Variants in PLXNA4 observed in about 807,000 individuals in gnomAD.
PLXNA4 encodes plexin A4.
A neutral mutation model predicts 191.8 loss-of-function variants in PLXNA4; 44 were observed. That is an observed-to-expected ratio of 0.23 (90% CI 0.18 to 0.29). The LOEUF (loss-of-function observed/expected upper bound fraction) is 0.29. Among genes scored for constraint, PLXNA4 ranks in the 10% least tolerant of loss-of-function variants. PLXNA4 has a pLI of 1.00. For synonymous variants in PLXNA4, 1,082 were observed against 1,009.5 expected (o/e 1.07, Z -1.36); for missense variants, 1,800 against 2,488.8 (o/e 0.72, Z 5.89).
intron 2 of PLXNA4, among the ~76,000 whole-genome samples, chr7:132,635,035 G>A (rs1803569356): frequency 6.6e-6 from 1 of 152,040 alleles, no homozygotes; most frequent in Admixed American, 6.6e-5. Context: ...TGTGCTGGAT[G>A]CTTCCTGGCT....
chr7:132,308,460 T>C (rs969101201), intron 3 of PLXNA4, among the ~76,000 whole-genome samples: 5 of 152,172 alleles, frequency 3.3e-5, no homozygotes, highest in Non-Finnish European at 7.3e-5. Context: ...CCACCTGCCA[T>C]GCGCCACACA....
At position 132,228,328 on chromosome 7, in the gene PLXNA4, A is replaced by G. The variant is rs770434815; in HGVS notation, c.1728+18T>C. 2.5e-6 allele frequency: 4 copies of G among 1,613,574 alleles called. No individual in the cohort carries two copies. Among genetic ancestry groups the G allele is most frequent in the African/African-American group, 2.7e-5 (2 of 74,830 alleles). On this transcript the variant is annotated intron_variant, in intron 6 of 31. Transcript: ENST00000321063. ...TCCTTGCATCCCTGGACCCCACCCCAACCCCCACGACCCTTACCAGCACGT... is the reference window on the plus strand; with the variant it reads ...TCCTTGCATCCCTGGACCCCACCCCGACCCCCACGACCCTTACCAGCACGT...
intron 2 of PLXNA4, among the ~76,000 whole-genome samples, chr7:132,589,464 A>G (rs1282038685): frequency 6.6e-6 from 1 of 152,244 alleles, no homozygotes; most frequent in Non-Finnish European, 1.5e-5. Flanking sequence ...ATGATAGCAT[A>G]TTATTTAACT....
chr7:132,399,963 G>A lies in PLXNA4; in HGVS notation c.1371+89329C>T, dbSNP rs549104885. Reference sequence around the variant, plus strand: ...ATACTTTCATGGGCATGAAAGGGGAGGAATGTGACCTTTGTGATCAGATGG... The same window carrying A: ...ATACTTTCATGGGCATGAAAGGGGAAGAATGTGACCTTTGTGATCAGATGG... On this transcript the variant is annotated intron_variant, in intron 3 of 31. Coordinates refer to ENST00000321063, the MANE Select transcript of PLXNA4 (RefSeq NM_020911.2). Among the ~76,000 whole-genome samples, 5 of 152,144 alleles carry A rather than the reference G, an allele frequency of 3.3e-5. No homozygotes were observed. In the South Asian group the frequency reaches 1.0e-3, roughly 32 times the overall value.
intron 3 of PLXNA4, among the ~76,000 whole-genome samples, chr7:132,409,911 G>A (rs980648752): frequency 3.9e-5 from 6 of 152,204 alleles, no homozygotes; most frequent in Admixed American, 1.3e-4. Flanking sequence ...TGCCTGGCCC[G>A]GCAGGGGGCC....
At position 132,146,667 on chromosome 7, in the gene PLXNA4, C is replaced by T; in HGVS notation, c.4898G>A (p.Ser1633Asn). 1 of 1,614,216 alleles carries T rather than the reference C, an allele frequency of 6.2e-7. No individual in the cohort carries two copies. Among genetic ancestry groups the T allele is most frequent in the Non-Finnish European group, 8.5e-7 (1 of 1,180,034 alleles). Residue 1633 changes from serine to asparagine, a missense_variant, in exon 28 of 32, where the codon AGC (serine) becomes AAC (asparagine). Around this residue, in one of 6 missense-constraint regions of PLXNA4, gnomAD observed 214 missense variants for 298.2 expected, o/e 0.72. Transcript: ENST00000321063. ...GATCATAGGTGTCCGTGAGCGGAGGCTGTCGGGGCTGCCCGTGTACCGGAT... is the reference window on the plus strand; with the variant it reads ...GATCATAGGTGTCCGTGAGCGGAGGTTGTCGGGGCTGCCCGTGTACCGGAT... Reference protein sequence around the residue: ...NMIRYTGSPDSLRSRTPMITP... With the variant: ...NMIRYTGSPDNLRSRTPMITP...
At chr7:132,311,999 T>C (rs1801761094) in intron 3 of PLXNA4, among the ~76,000 whole-genome samples, 1 of 152,030 alleles carries the variant, frequency 6.6e-6, no homozygotes, top group South Asian at 2.1e-4. Context: ...AAGGGGCTTT[T>C]GACCACCCTC....
chr7:132,627,544 C>T (rs1340378725), intron 2 of PLXNA4, among the ~76,000 whole-genome samples: 1 of 152,152 alleles, frequency 6.6e-6, no homozygotes, highest in East Asian at 1.9e-4. Context: ...CCCACACACA[C>T]AAATTCTTAT....
At chr7:132,152,409 G>GC (rs922155542) in intron 25 of PLXNA4, among the ~76,000 whole-genome samples, 1 of 152,180 alleles carries the variant, frequency 6.6e-6, no homozygotes, top group African/African-American at 2.4e-5. Context: ...GCCTCAGGAG[G>GC]CCCTCTGTGA....
intron 4 of PLXNA4, among the ~76,000 whole-genome samples, chr7:132,294,871 A>G (rs535305939): frequency 6.6e-6 from 1 of 152,354 alleles, no homozygotes; most frequent in Admixed American, 6.5e-5. Context: ...GTGAGGACAC[A>G]GTGAGAAGGT....
intron 3 of PLXNA4, among the ~76,000 whole-genome samples, chr7:132,357,700 C>A (rs956064284): frequency 1.3e-5 from 2 of 152,200 alleles, no homozygotes; most frequent in African/African-American, 4.8e-5. Context: ...TTGTAGAAAG[C>A]CACTCAGCCT....
chr7:132,213,880 C>T (rs1797880927), intron 9 of PLXNA4, among the ~76,000 whole-genome samples: 1 of 152,188 alleles, frequency 6.6e-6, no homozygotes, highest in Admixed American at 6.5e-5. Flanking sequence ...CTCTTCCCAC[C>T]ACCTCCCGCC....
intron 4 of PLXNA4, among the ~76,000 whole-genome samples, chr7:132,284,817 C>A (rs943549090): frequency 1.3e-5 from 2 of 152,128 alleles, no homozygotes; most frequent in African/African-American, 4.8e-5. Context: ...CAGGTTCAAG[C>A]AATTCTCCTG....
At chr7:132,469,181 C>T (rs1796833334) in intron 3 of PLXNA4, among the ~76,000 whole-genome samples, 1 of 149,600 alleles carries the variant, frequency 6.7e-6, no homozygotes, top group South Asian at 2.1e-4. Context: ...TATTTTAGAT[C>T]CAAAAGGGAG....
At chr7:132,193,960 C>T (rs535620149) in intron 14 of PLXNA4, 102 bp downstream of exon 14, 1 of 1,452,140 alleles carries the variant, frequency 6.9e-7, no homozygotes. Context: ...CAGGGCAGGC[C>T]CTTGCCCTGG....
intron 28 of PLXNA4, chr7:132,145,499 T>G (rs960713784): frequency 1.5e-6 from 1 of 648,678 alleles, no homozygotes; most frequent in Non-Finnish European, 2.5e-6. Context: ...AAAAGAGATA[T>G]AACACTGATG....
At chr7:132,384,385 G>C in intron 3 of PLXNA4, 1 of 985,550 alleles carries the variant, frequency 1.0e-6, no homozygotes, top group Non-Finnish European at 1.2e-6. Flanking sequence ...ATGACACCAA[G>C]TGTTTCCACT....
chr7:132,331,933 G>T (rs1005697817), intron 3 of PLXNA4, among the ~76,000 whole-genome samples: 1 of 152,108 alleles, frequency 6.6e-6, no homozygotes, highest in South Asian at 2.1e-4. Flanking sequence ...TGAGATCTGG[G>T]TCCTAGACCC....
chr7:132,295,192 A>C (rs941403508), intron 4 of PLXNA4, among the ~76,000 whole-genome samples: 1 of 152,176 alleles, frequency 6.6e-6, no homozygotes. Context: ...TTCATTAAAA[A>C]ATTAAGAGGG....
Sources: gnomAD v4.1 joint callset for allele counts (sites outside exome capture counted in the v4.1 genomes callset) on GRCh38, gnomAD v4.1.1 for gene constraint, gnomAD v4.1.1 regional missense constraint, MANE v1.5 for transcripts, NCBI Gene and HGNC (gene_info 2026-07-23, HGNC 2026-07-21) for gene names.